The following DNM1L variants were observed in gnomAD, a reference collection of about 807,000 sequenced individuals.
The protein encoded by DNM1L is dynamin-1-like protein.
Under a neutral mutation model 92.8 loss-of-function variants are expected in DNM1L, and 33 were observed. The observed-to-expected ratio is 0.36, with a 90% CI of 0.27 to 0.48. The LOEUF (loss-of-function observed/expected upper bound fraction) is 0.48. Ranked by LOEUF, DNM1L falls within the 20% of genes least tolerant of loss-of-function variation. DNM1L has a pLI of 0.99. For missense variants in DNM1L, 485 were observed against 888.8 expected (o/e 0.55, Z 5.78); for synonymous variants, 284 against 305.0 (o/e 0.93, Z 0.72).
chr12:32,719,324 G>A (rs978429498), intron 7 of DNM1L, among the ~76,000 whole-genome samples: 1 of 152,174 alleles, frequency 6.6e-6, no homozygotes, highest in African/African-American at 2.4e-5. Flanking sequence ...TAATAGCCAG[G>A]CTTTAAGAAT....
chr12:32,681,565 GC>G lies in DNM1L; in HGVS notation c.102+2108del, dbSNP rs1187987888. Among the ~76,000 whole-genome samples the G allele has an allele frequency of 2.5e-4, 16 of 64,738 alleles. 1 individual carries two copies. The highest frequency in any genetic ancestry group is 0.016 in the Middle Eastern group (2 of 122). 42.5% of individuals were successfully genotyped at this position (64,738 alleles called of 152,430 possible). On this transcript the variant is annotated intron_variant, in intron 1 of 19. Coordinates refer to ENST00000549701, the MANE Select transcript of DNM1L (RefSeq NM_012062.5). ...ATAGAAACTATTTTCTCCCCACACC[GC>G]CCCCCCCGCCCCTATTTTCTCCCCA...
chr12:32,736,509 T>G (rs1031158692), intron 13 of DNM1L, among the ~76,000 whole-genome samples: 2 of 152,240 alleles, frequency 1.3e-5, no homozygotes. Context: ...AGGCAATTGA[T>G]CAGTGTGTTA....
rs528871528 is a variant in DNM1L at position 32,725,671 on chromosome 12, T to C, written c.1079+3038T>C. On this transcript the variant is annotated intron_variant, in intron 9 of 19. Coordinates refer to ENST00000549701, the MANE Select transcript of DNM1L (RefSeq NM_012062.5). ...CCCAGGTTGGAGTGCAGTGGCACGATCTCAGCTCACTGCAACCACCGTCTC... is the reference window on the plus strand; with the variant it reads ...CCCAGGTTGGAGTGCAGTGGCACGACCTCAGCTCACTGCAACCACCGTCTC... 2.6e-5 allele frequency: 4 copies of C among 152,406 alleles called. No individual in the cohort carries two copies. In the East Asian group the frequency reaches 7.7e-4, roughly 29 times the overall value. The allele number at this position is 152,406 out of a possible 1,614,324, so 9.4% of individuals were successfully genotyped here.
chr12:32,743,289 G>A (rs1955445592), intron 19 of DNM1L, 65 bp from the exon 20 acceptor site: 4 of 1,443,054 alleles, frequency 2.8e-6, no homozygotes, highest in Non-Finnish European at 2.9e-6. Context: ...AAATTACCCT[G>A]CGTAATTCAG....
chr12:32,685,359 C>CTTT (rs71298052), intron 1 of DNM1L, among the ~76,000 whole-genome samples: 84 of 124,428 alleles, frequency 6.8e-4, no homozygotes, highest in Middle Eastern at 4.5e-3. Flanking sequence ...GTGGCTGCAC[C>CTTT]TTTTTTTTTT....
chr12:32,722,906 A>G (rs1302260671), intron 9 of DNM1L: 1 of 157,218 alleles, frequency 6.4e-6, no homozygotes, highest in East Asian at 1.8e-4. Flanking sequence ...AGTATTAAAT[A>G]TTTTAATAAG....
intron 2 of DNM1L, chr12:32,705,969 T>C (rs1952908634): frequency 1.8e-6 from 2 of 1,088,330 alleles, no homozygotes; most frequent in Non-Finnish European, 2.6e-6. Context: ...CATTTTTATT[T>C]GCCCATCCAC....
chr12:32,702,685 A>ATTT (rs35211502), intron 2 of DNM1L, among the ~76,000 whole-genome samples: 1 of 149,260 alleles, frequency 6.7e-6, no homozygotes. Context: ...GATGACTTGA[A>ATTT]TTTTTTTTTT....
chr12:32,717,384 ATATATAGTATATATAATAT>A (rs1953489143), intron 6 of DNM1L, among the ~76,000 whole-genome samples: 1 of 65,264 alleles, frequency 1.5e-5, no homozygotes, highest in Non-Finnish European at 2.8e-5. Context: ...ACTATATATA[ATATATAGTATATATAATAT>A]ATAATATATA....
At position 32,741,959 on chromosome 12, in the gene DNM1L, A is replaced by C. The variant is rs145934363; in HGVS notation, c.1995-630A>C. Among the ~76,000 whole-genome samples the C allele has an allele frequency of 6.8e-4, 103 of 152,342 alleles. No homozygotes were observed. The East Asian group carries it at 0.018, about 26-fold the overall frequency. On this transcript the variant is annotated intron_variant, in intron 18 of 19. Transcript: ENST00000549701. ...AAGTGACATATCTTTTGTGTGAATAATACTAGATTATGTAGATATACTGTG... is the reference window on the plus strand; with the variant it reads ...AAGTGACATATCTTTTGTGTGAATACTACTAGATTATGTAGATATACTGTG...
Position 32,708,325 on chromosome 12 carries a change from G to C in DNM1L, c.369+101G>C, listed in dbSNP as rs1042016604. The C allele has an allele frequency of 6.5e-6, 5 of 765,692 alleles. No individual in the cohort carries two copies. The African/African-American group carries it at 8.8e-5, about 14-fold the overall frequency. The allele number at this position is 765,692 out of a possible 1,614,324, so 47.4% of individuals were successfully genotyped here. On this transcript the variant is annotated intron_variant, in intron 4 of 19. Transcript: ENST00000549701. ...AAGGGCATTGTAAATTCCTACTCTT[G>C]ATCTTAGCCAAAAGGCCGAGAAGCG...
In DNM1L at chr12:32,707,929, T is replaced by C. The variant is rs117497623; in HGVS notation, c.298-224T>C. Among the ~76,000 whole-genome samples the C allele has an allele frequency of 0.035, 5,346 of 150,774 alleles. 146 individuals are homozygous for C. The highest frequency in any genetic ancestry group is 0.054 in the Non-Finnish European group (3,642 of 67,776). On this transcript the variant is annotated intron_variant, in intron 3 of 19. Transcript: ENST00000549701. ...TTGTGCCACTGTACTCCAGTCTGGG[T>C]GACAGAGTCAGACCCTCTCTCAAAG...
rs1391963037 is a variant in DNM1L, at chr12:32,740,432, A to G, written c.1908A>G (p.Leu636=). 4 of 1,614,122 alleles carry G rather than the reference A, an allele frequency of 2.5e-6. No individual in the cohort carries two copies. Among genetic ancestry groups the G allele is most frequent in the Admixed American group, 1.7e-5 (1 of 60,026 alleles). ...AGCCAGTTCCTGTTGCACGAAAACT[A>G]TCTGCTCGGGAACAGCGAGATTGTG... is the stretch of plus-strand genomic sequence containing the variant. ...LDVPVPVARK[L]SAREQRDCEV... The change falls in exon 18 of 20, where the codon CTA becomes CTG. Residue 636 remains leucine (L), a synonymous_variant. Transcript: ENST00000549701.
chr12:32,713,940 G>T (rs1953246511), intron 6 of DNM1L, among the ~76,000 whole-genome samples: 1 of 152,190 alleles, frequency 6.6e-6, no homozygotes, highest in South Asian at 2.1e-4. Flanking sequence ...TTTTAGAAAT[G>T]AAGGTAAAAT....
chr12:32,699,352 CTTA>C (rs1458067215), intron 1 of DNM1L, among the ~76,000 whole-genome samples: 3 of 151,776 alleles, frequency 2.0e-5, no homozygotes, highest in East Asian at 1.9e-4. Flanking sequence ...AATTGAAATA[CTTA>C]TTATGGATAA....
At chr12:32,730,518 C>G (rs1025159297) in intron 9 of DNM1L, among the ~76,000 whole-genome samples, 1 of 152,234 alleles carries the variant, frequency 6.6e-6, no homozygotes, top group Non-Finnish European at 1.5e-5. Context: ...GCCTGGCTAA[C>G]AAGCTATACT....
At chr12:32,740,032 T>G in intron 16 of DNM1L, 32 bp from the exon 17 acceptor site, 1 of 1,614,044 alleles carries the variant, frequency 6.2e-7, no homozygotes, top group Non-Finnish European at 8.5e-7. Context: ...AGATATGATG[T>G]GGTTGGTATG....
At chr12:32,692,295 A>G (rs1336085806) in intron 1 of DNM1L, among the ~76,000 whole-genome samples, 1 of 152,206 alleles carries the variant, frequency 6.6e-6, no homozygotes, top group Admixed American at 6.5e-5. Context: ...TAGCGACAAC[A>G]TGTTAAAAGT....
rs1358023379 is a variant in DNM1L at position 32,744,857 on chromosome 12, G to A, written c.*1447G>A. ...TCCCCAGATGATTCTTGGTATGAACGACTATATTATAAATTTTAAGATGTA... is the reference window on the plus strand; with the variant it reads ...TCCCCAGATGATTCTTGGTATGAACAACTATATTATAAATTTTAAGATGTA... On this transcript the variant is annotated 3_prime_UTR_variant, in exon 20 of 20. Coordinates refer to ENST00000549701, the MANE Select transcript of DNM1L (RefSeq NM_012062.5). 2.0e-6 allele frequency: 1 copy of A among 497,898 alleles called. No homozygotes were observed. Among genetic ancestry groups the A allele is most frequent in the African/African-American group, 1.9e-5 (1 of 51,414 alleles). The allele number at this position is 497,898 out of a possible 1,614,324, so 30.8% of individuals were successfully genotyped here.
Sources: gnomAD v4.1 joint callset for allele counts (sites outside exome capture counted in the v4.1 genomes callset) on GRCh38, gnomAD v4.1.1 for gene constraint, MANE v1.5 for transcripts, NCBI Gene and HGNC (gene_info 2026-07-23, HGNC 2026-07-21) for gene names.